MEAK7: variants seen among roughly 807,000 people sequenced by gnomAD.
The protein encoded by MEAK7 is MTOR-associated protein MEAK7.
In MEAK7, 68 loss-of-function variants were observed where a neutral mutation model predicts 40.5. The ratio of observed to expected loss-of-function variants is 1.68; its 90% CI spans 1.38 to 2.06. The LOEUF is 2.06. Ranked by LOEUF, MEAK7 falls within the 30% of genes most tolerant of loss-of-function variation. The pLI, the probability that MEAK7 is intolerant of heterozygous loss-of-function variation, is 0.00. For missense variants in MEAK7, 918 were observed against 580.5 expected (o/e 1.58, Z -5.98); for synonymous variants, 338 against 231.9 (o/e 1.46, Z -4.16).
At chr16:84,504,171 G>C in intron 1 of MEAK7, 1 of 985,492 alleles carries the variant, frequency 1.0e-6, no homozygotes, top group Non-Finnish European at 1.2e-6. Flanking sequence ...GATGGGTGTG[G>C]TCAGAATACA....
Position 84,480,607 on chromosome 16 carries a change from C to G in MEAK7, c.1179G>C (p.Pro393=). 1 of 1,614,026 alleles carries G rather than the reference C, an allele frequency of 6.2e-7. No homozygotes were observed. ...AKPTCTTYNS[P]QLSAQENFQF... ...GGAAGTTCTCCTGAGCCGACAGCTGCGGGCTGTTGTACGTGGTGCACGTGG... is the reference window on the plus strand; with the variant it reads ...GGAAGTTCTCCTGAGCCGACAGCTGGGGGCTGTTGTACGTGGTGCACGTGG... The change falls in exon 7 of 8, where the codon CCG becomes CCC. Residue 393 remains proline, a synonymous_variant. Transcript: ENST00000343629.
rs181150726 is a variant in MEAK7, at chr16:84,483,999, T to C, written c.959-1289A>G. Among the ~76,000 whole-genome samples, 56 of 152,310 alleles carry C rather than the reference T, an allele frequency of 3.7e-4. No individual in the cohort carries two copies. In the East Asian group the frequency reaches 9.3e-3, roughly 25 times the overall value. ...AGCCCCAGAGGCTTGAGGGCAGGTTTAGACGCCGCCATGAACAGCTGGGTC... is the reference window on the plus strand; with the variant it reads ...AGCCCCAGAGGCTTGAGGGCAGGTTCAGACGCCGCCATGAACAGCTGGGTC... On this transcript the variant is annotated intron_variant, in intron 5 of 7. Transcript: ENST00000343629.
Position 84,486,842 on chromosome 16 carries a change from GAGGACATCC to G in MEAK7, c.738_746del (p.Asp247_Leu249del), listed in dbSNP as rs768326178. ...GCTGGGCGTTGATGTACATGACAGA[GAGGACATCC>G]AGGATGCTCTCAAAACCCCTGCCCT... is the stretch of plus-strand genomic sequence containing the variant. On this transcript the variant is annotated inframe_deletion, in exon 5 of 8. Coordinates refer to ENST00000343629, the MANE Select transcript of MEAK7 (RefSeq NM_020947.4). 4.3e-6 allele frequency: 7 copies of G among 1,614,196 alleles called. No individual in the cohort carries two copies. The South Asian group carries it at 7.7e-5, about 18-fold the overall frequency.
At chr16:84,499,277 A>T (rs1914305471) in intron 1 of MEAK7, among the ~76,000 whole-genome samples, 1 of 152,202 alleles carries the variant, frequency 6.6e-6, no homozygotes, top group Non-Finnish European at 1.5e-5. Flanking sequence ...TGTGACTGTT[A>T]ATTCCTGGCC....
chr16:84,479,638 G>C lies in MEAK7; in HGVS notation c.*275C>G. The C allele has an allele frequency of 3.0e-6, 1 of 328,638 alleles. No homozygotes were observed. The highest frequency in any genetic ancestry group is 4.6e-5 in the East Asian group (1 of 21,510). The allele number at this position is 328,638 out of a possible 1,614,324, so 20.4% of individuals were successfully genotyped here. ...AAAAAAGAACAAAGTATAAGACTGA[G>C]TTACTAATTTGACACAAGATTTCTT... is the stretch of plus-strand genomic sequence containing the variant. On this transcript the variant is annotated 3_prime_UTR_variant, in exon 8 of 8. Coordinates refer to ENST00000343629, the MANE Select transcript of MEAK7 (RefSeq NM_020947.4).
In MEAK7 at chr16:84,495,988, G is replaced by C. The variant is rs79408718; in HGVS notation, c.154-75C>G. ...TTGGTTACTAGGAGTTATTATTTTA[G>C]GCAGATAGAGAGGAAAAGGGGTCCT... is the stretch of plus-strand genomic sequence containing the variant. On this transcript the variant is annotated intron_variant, in intron 2 of 7. Transcript: ENST00000343629. 1.2e-3 allele frequency: 1,796 copies of C among 1,513,336 alleles called. 15 individuals carry two copies. The African/African-American group carries it at 0.02, about 17-fold the overall frequency. 93.7% of individuals were successfully genotyped at this position (1,513,336 alleles called of 1,614,324 possible).
intron 3 of MEAK7, 53 bp downstream of exon 3, chr16:84,495,630 G>C: frequency 3.8e-6 from 6 of 1,570,880 alleles, no homozygotes; most frequent in Non-Finnish European, 5.2e-6. Context: ...TCCCCCCACC[G>C]ATGGTCACCA....
intron 1 of MEAK7, among the ~76,000 whole-genome samples, chr16:84,501,498 G>C (rs899642764): frequency 1.3e-5 from 2 of 152,154 alleles, no homozygotes; most frequent in East Asian, 1.9e-4. Flanking sequence ...ACCAACCCCA[G>C]ACAGCCGGGA....
At position 84,479,155 on chromosome 16, in the gene MEAK7, C is replaced by T. The variant is rs1008106563; in HGVS notation, c.*758G>A. ...CCACCAGACCATGTTACCTCAAAGT[C>T]TCCTGCCTCCATTTCCCCATTTTAT... On this transcript the variant is annotated 3_prime_UTR_variant, in exon 8 of 8. Transcript: ENST00000343629. 1.3e-5 allele frequency: 2 copies of T among 152,272 alleles called. No individual in the cohort carries two copies. The highest frequency in any genetic ancestry group is 6.5e-5 in the Admixed American group (1 of 15,290). The allele number at this position is 152,272 out of a possible 1,614,324, so 9.4% of individuals were successfully genotyped here.
chr16:84,490,654 A>ATTG (rs1555513463), intron 3 of MEAK7, among the ~76,000 whole-genome samples: 1 of 137,532 alleles, frequency 7.3e-6, no homozygotes, highest in Non-Finnish European at 1.5e-5. Flanking sequence ...GCTAATCAAG[A>ATTG]TGTGTGTGTG....
intron 5 of MEAK7, among the ~76,000 whole-genome samples, chr16:84,485,195 C>T (rs1045648200): frequency 2.8e-4 from 43 of 152,210 alleles, no homozygotes; most frequent in Non-Finnish European, 1.0e-4. Flanking sequence ...AGGCTGCTGT[C>T]TCTAGAAAGG....
intron 3 of MEAK7, among the ~76,000 whole-genome samples, chr16:84,490,654 ATGTGTGTGTGTGTGTGTGTGTG>A (rs35489449): frequency 2.9e-5 from 4 of 137,616 alleles, no homozygotes; most frequent in Non-Finnish European, 3.1e-5. Context: ...GCTAATCAAG[ATGTGTGTGTGTGTGTGTGTGTG>A]TGTGTGTGTG....
chr16:84,493,941 G>C (rs1440459515), intron 3 of MEAK7, among the ~76,000 whole-genome samples: 1 of 151,980 alleles, frequency 6.6e-6, no homozygotes, highest in Non-Finnish European at 1.5e-5. Context: ...AGTTTTCTTG[G>C]GACCTCAAAG....
At chr16:84,481,749 T>C (rs547340967) in intron 6 of MEAK7, among the ~76,000 whole-genome samples, 14 of 152,100 alleles carry the variant, frequency 9.2e-5, no homozygotes, top group East Asian at 5.8e-4. Context: ...CTGGCTAACA[T>C]GGTGAAACCC....
rs1383246472 is a variant in MEAK7 at position 84,479,993 on chromosome 16, G to C, written c.1291C>G (p.Pro431Ala). 7 of 1,609,174 alleles carry C rather than the reference G, an allele frequency of 4.4e-6. No homozygotes were observed. The highest frequency in any genetic ancestry group is 2.7e-5 in the African/African-American group (2 of 74,906). ...KGNKSILDAD[P>A]EAQALLEISG... ...ATCTCCAGCAGGGCCTGGGCCTCAG[G>C]GTCCGCATCCAGGATGCTCTTGTTG... The change falls in exon 8 of 8, where the codon CCT becomes GCT. Residue 431 changes from proline (P) to alanine (A), a missense_variant. Coordinates refer to ENST00000343629, the MANE Select transcript of MEAK7 (RefSeq NM_020947.4).
Position 84,486,888 on chromosome 16 carries a change from C to G in MEAK7, c.701G>C (p.Arg234Pro). The G allele has an allele frequency of 6.2e-7, 1 of 1,614,180 alleles. No individual in the cohort carries two copies. Among genetic ancestry groups the G allele is most frequent in the Non-Finnish European group, 8.5e-7 (1 of 1,180,022 alleles). ...AAAACCCCTGCCCTGGTCCACTTGACGCTCAGGGACCAGGGTAGTCAGATC... is the reference window on the plus strand; with the variant it reads ...AAAACCCCTGCCCTGGTCCACTTGAGGCTCAGGGACCAGGGTAGTCAGATC... ...SLDLTTLVPE[R>P]QVDQGRGFES... The change falls in exon 5 of 8, where the codon CGT (arginine) becomes CCT (proline). Residue 234 changes from arginine (R) to proline (P), a missense_variant. Arg to Pro is a moderately radical substitution (Grantham distance 103, BLOSUM62 -2). Transcript: ENST00000343629.
chr16:84,489,398 C>T lies in MEAK7; in HGVS notation c.409G>A (p.Val137Met), dbSNP rs187928329. The change falls in exon 4 of 8, where the codon GTG becomes ATG. Residue 137 changes from valine to methionine, a missense_variant. Val to Met is a conservative substitution (Grantham distance 21). Coordinates refer to ENST00000343629, the MANE Select transcript of MEAK7 (RefSeq NM_020947.4). ...TGTCTGTGGCTTAGCACGTGCACCA[C>T]AGAGCCAACCAGATCCTCTGTAAAC... is the stretch of plus-strand genomic sequence containing the variant. ...QKFTEDLVGSVVHVLSHRQEL... is the reference protein window; with the variant it reads ...QKFTEDLVGSMVHVLSHRQEL... 30 of 1,612,808 alleles carry T rather than the reference C, an allele frequency of 1.9e-5. No individual in the cohort carries two copies. Among genetic ancestry groups the T allele is most frequent in the Non-Finnish European group, 2.5e-5 (29 of 1,179,476 alleles).
At chr16:84,495,162 A>G (rs1260690668) in intron 3 of MEAK7, among the ~76,000 whole-genome samples, 1 of 152,154 alleles carries the variant, frequency 6.6e-6, no homozygotes, top group African/African-American at 2.4e-5. Context: ...CCAGCTACTC[A>G]GGAGGCTGAG....
chr16:84,487,353 T>G (rs1450320487), intron 4 of MEAK7: 1 of 345,682 alleles, frequency 2.9e-6, no homozygotes, highest in Non-Finnish European at 5.3e-6. Flanking sequence ...TTTACTCTTT[T>G]AACATGGTCC....
Sources: gnomAD v4.1 joint callset for allele counts (sites outside exome capture counted in the v4.1 genomes callset) on GRCh38, gnomAD v4.1.1 for gene constraint, MANE v1.5 for transcripts, NCBI Gene and HGNC (gene_info 2026-07-23, HGNC 2026-07-21) for gene names.